FGD5: variants seen among roughly 807,000 people sequenced by gnomAD.
The protein encoded by FGD5 is FYVE, RhoGEF and PH domain-containing protein 5.
In FGD5, 28 loss-of-function variants were observed where a neutral mutation model predicts 133.4. The observed-to-expected ratio is 0.21, with a 90% CI of 0.16 to 0.29. The LOEUF (loss-of-function observed/expected upper bound fraction) is 0.29. FGD5 is among the 10% of genes least tolerant of loss of function. The pLI is 1.00. For synonymous variants in FGD5, 810 were observed against 776.5 expected, an observed-to-expected ratio of 1.04 and a Z score of -0.72; for missense variants, 1,858 against 1,895.2, an observed-to-expected ratio of 0.98 and a Z score of 0.36.
intron 4 of FGD5, among the ~76,000 whole-genome samples, chr3:14,884,886 C>T (rs1010265484): frequency 3.9e-5 from 6 of 152,026 alleles, no homozygotes; most frequent in South Asian, 4.2e-4. Flanking sequence ...CACGACTGCG[C>T]CTGCCGACAA....
intron 4 of FGD5, among the ~76,000 whole-genome samples, chr3:14,881,709 C>T (rs1210777543): frequency 6.6e-6 from 1 of 152,188 alleles, no homozygotes; most frequent in Admixed American, 6.5e-5. Flanking sequence ...AATGTCAGAG[C>T]TGGGAATGTG....
At position 14,923,051 on chromosome 3, in the gene FGD5, G is replaced by T; in HGVS notation, c.3813G>T (p.Val1271=). 1 of 1,613,858 alleles carries T rather than the reference G, an allele frequency of 6.2e-7. No individual in the cohort carries two copies. The highest frequency in any genetic ancestry group is 8.5e-7 in the Non-Finnish European group (1 of 1,179,846). ...CTTCCCACCTGGGCCTGCAGATCGT[G>T]TGCCGGAACTGTTCGCGGAACAAGT... is the stretch of plus-strand genomic sequence containing the variant. The part of the protein sequence containing the change: ...RHHCHACGKI[V]CRNCSRNKYP... The change falls in exon 16 of 20, where the codon GTG becomes GTT. Residue 1271 remains valine (V), a synonymous_variant. Transcript: ENST00000285046.
At chr3:14,918,581 A>C (rs780733112) in intron 12 of FGD5, among the ~76,000 whole-genome samples, 173 bp from the exon 13 acceptor site, 6 of 152,190 alleles carry the variant, frequency 3.9e-5, no homozygotes, top group African/African-American at 7.2e-5. Context: ...AGAATGATGG[A>C]GCTGGCAGCC....
chr3:14,812,152 C>T (rs1158762201), intron 1 of FGD5, among the ~76,000 whole-genome samples: 1 of 152,152 alleles, frequency 6.6e-6, no homozygotes, highest in South Asian at 2.1e-4. Context: ...GTGGCAGCCA[C>T]CTTCCATGTC....
chr3:14,843,432 C>A (rs2036962964), intron 1 of FGD5, among the ~76,000 whole-genome samples: 1 of 152,156 alleles, frequency 6.6e-6, no homozygotes, highest in South Asian at 2.1e-4. Flanking sequence ...AGGGGCTGGG[C>A]ACCCCCTTCC....
At chr3:14,824,136 A>G (rs1318895310) in intron 1 of FGD5, among the ~76,000 whole-genome samples, 3 of 152,206 alleles carry the variant, frequency 2.0e-5, no homozygotes, top group African/African-American at 2.4e-5. Context: ...CAGGAACCAC[A>G]TCCTCTTGGA....
chr3:14,897,437 G>A (rs2125132049), intron 4 of FGD5, 72 bp from the exon 5 acceptor site: 1 of 1,536,702 alleles, frequency 6.5e-7, no homozygotes, highest in East Asian at 2.4e-5. Flanking sequence ...CAAAGCCCCA[G>A]GGGAAATCTG....
At chr3:14,914,683 C>T (rs761868844) in intron 11 of FGD5, among the ~76,000 whole-genome samples, 17 of 152,164 alleles carry the variant, frequency 1.1e-4, no homozygotes, top group Middle Eastern at 3.2e-3. Flanking sequence ...CATTCCCTCC[C>T]GAGCACACTG....
upstream of FGD5, among the ~76,000 whole-genome samples, chr3:14,816,603 A>T (rs1056124018): frequency 3.9e-5 from 6 of 152,242 alleles, no homozygotes; most frequent in Admixed American, 6.5e-5. Flanking sequence ...GACCCAGATC[A>T]GCCAGGCTCC....
At chr3:14,881,794 C>A (rs114100909) in intron 4 of FGD5, among the ~76,000 whole-genome samples, 1 of 152,174 alleles carries the variant, frequency 6.6e-6, no homozygotes, top group African/African-American at 2.4e-5. Context: ...AGTGGTGGAG[C>A]CAGGACAAGC....
In FGD5 at chr3:14,820,328, G is replaced by C. The variant is rs926107287; in HGVS notation, c.1257G>C (p.Glu419Asp). 6.2e-7 allele frequency: 1 copy of C among 1,610,610 alleles called. No homozygotes were observed. The change falls in exon 1 of 20, where the codon GAG becomes GAC. Residue 419 changes from glutamate to aspartate, a missense_variant. Around this residue, in one of 3 missense-constraint regions of FGD5, gnomAD observed 1,824 missense variants for 1,848.9 expected, o/e 0.99. Transcript: ENST00000285046. ...CTGATGTGGTGGTCGTGCTGGAGGA[G>C]GAGGCCTTGGATGATGCACTGGCCA... Reference protein sequence around the residue: ...AAPDVVVVLEEEALDDALANP... With the variant: ...AAPDVVVVLEDEALDDALANP...
At chr3:14,828,500 G>C (rs1382295441) in intron 1 of FGD5, among the ~76,000 whole-genome samples, 1 of 152,176 alleles carries the variant, frequency 6.6e-6, no homozygotes, top group African/African-American at 2.4e-5. Flanking sequence ...TGAAAGGCTT[G>C]AGGACTAAAC....
intron 4 of FGD5, among the ~76,000 whole-genome samples, chr3:14,885,855 A>G (rs903054628): frequency 6.6e-6 from 1 of 152,168 alleles, no homozygotes; most frequent in African/African-American, 2.4e-5. Context: ...AATGGGAGGA[A>G]TATTGAGCTC....
In FGD5 at chr3:14,880,568, A is replaced by G. The variant is rs1256199263; in HGVS notation, c.2659-4A>G. The G allele has an allele frequency of 4.3e-6, 7 of 1,613,444 alleles. No homozygotes were observed. In the Admixed American group the frequency reaches 1.2e-4, roughly 27 times the overall value. On this transcript the variant is annotated splice_polypyrimidine_tract_variant and splice_region_variant and intron_variant, in intron 2 of 19. Transcript: ENST00000285046. ...CCACCTGATTGCTCTCTTTCCTCCC[A>G]CAGGTGGAAGGACAGTCCAGAGCCC...
chr3:14,819,870 A>G lies in FGD5; in HGVS notation c.799A>G (p.Thr267Ala), dbSNP rs1196884212. Residue 267 changes from threonine to alanine, a missense_variant, in exon 1 of 20, where the codon ACA becomes GCA. This residue lies in a region of FGD5 where 1,824 missense variants were observed against 1,848.9 expected (regional missense o/e 0.99). Transcript: ENST00000285046. The surrounding 1 kb of genome is among the most constrained non-coding windows in gnomAD (Gnocchi z 4.1). ...EELAGVQEAE[T>A]ATDCPEVLEE... ...GCTGGCCGGGGTCCAGGAGGCAGAG[A>G]CAGCCACAGACTGCCCTGAAGTTCT... 1.2e-6 allele frequency: 2 copies of G among 1,613,518 alleles called. No homozygotes were observed. The highest frequency in any genetic ancestry group is 2.2e-5 in the South Asian group (2 of 91,002).
chr3:14,894,186 A>G (rs59050330), intron 4 of FGD5, among the ~76,000 whole-genome samples: 2,947 of 152,250 alleles, frequency 0.019, 91 homozygotes, highest in African/African-American at 0.066. Context: ...TAGCTACCAC[A>G]TATGAGTGGG....
At chr3:14,845,368 C>G (rs1405938603) in intron 1 of FGD5, among the ~76,000 whole-genome samples, 1 of 152,168 alleles carries the variant, frequency 6.6e-6, no homozygotes, top group East Asian at 1.9e-4. Flanking sequence ...TTGGAAGGGA[C>G]CTTTAGTGAT....
chr3:14,897,371 G>T, intron 4 of FGD5, 138 bp from the exon 5 acceptor site: 1 of 967,778 alleles, frequency 1.0e-6, no homozygotes, highest in Non-Finnish European at 1.5e-6. Context: ...TGAGACTGTT[G>T]GGTCTGGAGA....
intron 4 of FGD5, among the ~76,000 whole-genome samples, chr3:14,889,736 T>C (rs1160250920): frequency 6.6e-6 from 1 of 152,188 alleles, no homozygotes; most frequent in African/African-American, 2.4e-5. Context: ...TTGTGGCCAT[T>C]CTGCTGATTG....
Sources: allele counts gnomAD v4.1 joint callset (sites outside exome capture counted in the v4.1 genomes callset), GRCh38; gene constraint gnomAD v4.1.1; regional missense constraint gnomAD v4.1.1; non-coding constraint Gnocchi (gnomAD v3.1); transcripts MANE v1.5; gene names NCBI Gene and HGNC (gene_info 2026-07-23, HGNC 2026-07-21).